Variants in GABRG3 observed in about 807,000 individuals in gnomAD.
GABRG3 encodes the protein gamma-aminobutyric acid type A receptor subunit gamma3.
Under a neutral mutation model 48.8 loss-of-function variants are expected in GABRG3, and 25 were observed. The ratio of observed to expected loss-of-function variants is 0.51; its 90% CI spans 0.37 to 0.72. The LOEUF (loss-of-function observed/expected upper bound fraction) is 0.72. GABRG3 is among the 30% of genes least tolerant of loss of function. The probability of loss-of-function intolerance (pLI) is 0.00; values close to 1 mark genes in which losing one functional copy is unlikely to be tolerated. For missense variants in GABRG3, 394 were observed against 577.9 expected (o/e 0.68, Z 3.26); for synonymous variants, 227 against 217.6 (o/e 1.04, Z -0.38).
At chr15:27,275,317 G>T (rs1395053631) in intron 3 of GABRG3, among the ~76,000 whole-genome samples, 1 of 152,116 alleles carries the variant, frequency 6.6e-6, no homozygotes, top group African/African-American at 2.4e-5. Context: ...ATATGTACCT[G>T]CTATCCCTTT....
chr15:27,265,767 G>A (rs1391869908), intron 3 of GABRG3, among the ~76,000 whole-genome samples: 1 of 151,722 alleles, frequency 6.6e-6, no homozygotes. Flanking sequence ...AAAAGCAGAA[G>A]TTTTCAATTT....
At chr15:26,982,171 T>A (rs1895067445) in intron 2 of GABRG3, among the ~76,000 whole-genome samples, 2 of 152,236 alleles carry the variant, frequency 1.3e-5, no homozygotes, top group Non-Finnish European at 2.9e-5. Context: ...GTGAAGAGTG[T>A]GCAGCAATTC....
chr15:27,387,803 A>AGGAG (rs369144529), intron 5 of GABRG3, among the ~76,000 whole-genome samples: 1,303 of 88,266 alleles, frequency 0.015, 32 homozygotes, highest in African/African-American at 0.017. Flanking sequence ...CTGAGAAAGA[A>AGGAG]GGAGGGAGGG....
intron 3 of GABRG3, among the ~76,000 whole-genome samples, chr15:27,073,197 G>A (rs1896856555): frequency 6.6e-6 from 1 of 152,174 alleles, no homozygotes; most frequent in South Asian, 2.1e-4. Flanking sequence ...GGGAATAGAG[G>A]AGTTCACACA....
intron 3 of GABRG3, among the ~76,000 whole-genome samples, chr15:27,076,426 C>A (rs1052247702): frequency 6.7e-6 from 1 of 149,582 alleles, no homozygotes; most frequent in African/African-American, 2.5e-5. Context: ...TGGGTTCAAG[C>A]GATTCTCCTG....
intron 3 of GABRG3, among the ~76,000 whole-genome samples, chr15:27,048,462 A>C (rs1400433669): frequency 6.6e-6 from 1 of 152,138 alleles, no homozygotes; most frequent in Non-Finnish European, 1.5e-5. Context: ...AGGAGCCCAA[A>C]GCCCCAGGAG....
intron 3 of GABRG3, chr15:27,208,082 C>T (rs554361647): frequency 1.1e-4 from 19 of 172,808 alleles, no homozygotes; most frequent in African/African-American, 4.3e-4. Context: ...GTGGTAGGGG[C>T]ACCCCAGGGT....
intron 2 of GABRG3, among the ~76,000 whole-genome samples, chr15:26,999,216 A>G (rs1235998046): frequency 6.6e-6 from 1 of 152,194 alleles, no homozygotes; most frequent in South Asian, 2.1e-4. Flanking sequence ...GACTATTTAC[A>G]TAGCATTTAC....
intron 3 of GABRG3, among the ~76,000 whole-genome samples, chr15:27,057,759 C>T (rs1487215502): frequency 2.0e-5 from 3 of 152,294 alleles, no homozygotes; most frequent in East Asian, 1.9e-4. Flanking sequence ...CAGGTGGAAT[C>T]GGTGTAGTTC....
chr15:27,341,998 A>G (rs1894196534), intron 5 of GABRG3, among the ~76,000 whole-genome samples: 2 of 152,196 alleles, frequency 1.3e-5, no homozygotes, highest in African/African-American at 4.8e-5. Flanking sequence ...GAGTTTTAAG[A>G]GACAATGTTC....
At position 27,511,885 on chromosome 15, in the gene GABRG3, C is replaced by G. The variant is rs115866024; in HGVS notation, c.713-8087C>G. 9.5e-3 allele frequency among the ~76,000 whole-genome samples: 1,450 copies of G among 152,234 alleles called. 20 individuals are homozygous for G. Among genetic ancestry groups the G allele is most frequent in the African/African-American group, 0.033 (1,376 of 41,540 alleles). The stretch of plus-strand genomic sequence containing the variant: ...TAGGGTCACATTTGGACAACTGAGT[C>G]AGTGAGGAAGTAAGCAACGCTGGAG... On this transcript the variant is annotated intron_variant, in intron 6 of 9. Coordinates refer to ENST00000615808, the MANE Select transcript of GABRG3 (RefSeq NM_033223.5).
chr15:27,102,522 C>T (rs879931696), intron 3 of GABRG3, among the ~76,000 whole-genome samples: 2 of 152,094 alleles, frequency 1.3e-5, no homozygotes, highest in Non-Finnish European at 2.9e-5. Context: ...GTGCTTTTGG[C>T]TCACTGGGTG....
At chr15:27,074,709 G>C (rs1474487568) in intron 3 of GABRG3, among the ~76,000 whole-genome samples, 1 of 151,576 alleles carries the variant, frequency 6.6e-6, no homozygotes, top group Non-Finnish European at 1.5e-5. Context: ...TAAAATTGAA[G>C]TTGAGATCCC....
At chr15:27,292,127 T>C (rs914114553) in intron 3 of GABRG3, among the ~76,000 whole-genome samples, 1 of 152,216 alleles carries the variant, frequency 6.6e-6, no homozygotes, top group South Asian at 2.1e-4. Context: ...TCATCCTTTT[T>C]TAATGCTGCA....
intron 3 of GABRG3, among the ~76,000 whole-genome samples, chr15:27,038,501 C>T (rs1896217843): frequency 6.6e-6 from 1 of 152,100 alleles, no homozygotes; most frequent in African/African-American, 2.4e-5. Flanking sequence ...CCTGTGGACA[C>T]TGGTGCTGCT....
At chr15:27,360,772 G>C (rs1468188138) in intron 5 of GABRG3, among the ~76,000 whole-genome samples, 3 of 152,176 alleles carry the variant, frequency 2.0e-5, no homozygotes, top group Non-Finnish European at 2.9e-5. Context: ...AAGCTCAAGG[G>C]TTCCCACATT....
intron 3 of GABRG3, among the ~76,000 whole-genome samples, chr15:27,307,067 AAT>A (rs1470765575): frequency 7.9e-6 from 1 of 127,010 alleles, no homozygotes; most frequent in Non-Finnish European, 1.6e-5. Flanking sequence ...AAACATGTAT[AAT>A]ATAAACATGT....
intron 3 of GABRG3, among the ~76,000 whole-genome samples, chr15:27,065,495 G>C (rs1896722305): frequency 6.6e-6 from 1 of 152,184 alleles, no homozygotes; most frequent in Non-Finnish European, 1.5e-5. Context: ...TTGGTCCCCG[G>C]AGAAGCTGCT....
intron 5 of GABRG3, among the ~76,000 whole-genome samples, chr15:27,333,549 C>T (rs1025690438): frequency 2.6e-5 from 4 of 152,148 alleles, no homozygotes; most frequent in Non-Finnish European, 5.9e-5. Flanking sequence ...GTTGGGCTCA[C>T]CCACATGGGC....
Sources: allele counts gnomAD v4.1 joint callset (sites outside exome capture counted in the v4.1 genomes callset), GRCh38; gene constraint gnomAD v4.1.1; transcripts MANE v1.5; gene names NCBI Gene and HGNC (gene_info 2026-07-23, HGNC 2026-07-21).